Variants in NPTXR observed in about 807,000 individuals in gnomAD.
The protein encoded by NPTXR is neuronal pentraxin receptor.
NPTXR carries 12 observed loss-of-function variants against 32.2 expected under a neutral mutation model. The observed-to-expected ratio is 0.37, with a 90% CI of 0.24 to 0.60. The LOEUF (loss-of-function observed/expected upper bound fraction) is 0.60. Ranked by LOEUF, NPTXR falls within the 20% of genes least tolerant of loss-of-function variation. The pLI, the probability that NPTXR is intolerant of heterozygous loss-of-function variation, is 0.66. For synonymous variants in NPTXR, 323 were observed against 315.8 expected (o/e 1.02, Z -0.24); for missense variants, 612 against 682.9 (o/e 0.90, Z 1.16).
intron 1 of NPTXR, among the ~76,000 whole-genome samples, chr22:38,830,863 G>C (rs565823098): frequency 6.6e-6 from 1 of 152,074 alleles, no homozygotes. Flanking sequence ...GGAGAGGGGG[G>C]ACTCTGGCCA....
At position 38,833,615 on chromosome 22, in the gene NPTXR, A is replaced by C. The variant is rs1162420679; in HGVS notation, c.625-5103T>G. Among the ~76,000 whole-genome samples, 3 of 151,944 alleles carry C rather than the reference A, an allele frequency of 2.0e-5. No individual in the cohort carries two copies. In the East Asian group the frequency reaches 5.8e-4, roughly 29 times the overall value. On this transcript the variant is annotated intron_variant, in intron 1 of 4. Coordinates refer to ENST00000333039, the MANE Select transcript of NPTXR (RefSeq NM_014293.4). The stretch of plus-strand genomic sequence containing the variant: ...CGCTTAGTGCGCGGTAGGCATAGGA[A>C]GCATCACAGGCGTGTCTACTATTAA...
intron 2 of NPTXR, among the ~76,000 whole-genome samples, chr22:38,827,759 C>G (rs1162837732): frequency 1.3e-5 from 2 of 152,222 alleles, no homozygotes; most frequent in Non-Finnish European, 2.9e-5. Context: ...GGTCACAGAG[C>G]AAGCCAGAGA....
intron 1 of NPTXR, among the ~76,000 whole-genome samples, chr22:38,842,709 G>A (rs1328545257): frequency 6.6e-6 from 1 of 152,164 alleles, no homozygotes. Context: ...GTAGGGAGGT[G>A]GTGAGGGGCA....
chr22:38,826,429 C>G (rs1457108243), intron 3 of NPTXR, 71 bp downstream of exon 3: 1 of 1,513,074 alleles, frequency 6.6e-7, no homozygotes, highest in Non-Finnish European at 8.9e-7. Context: ...AATGAAAGAG[C>G]CCAGTGTGGA....
Position 38,823,247 on chromosome 22 carries a change from G to T in NPTXR, c.1114C>A (p.Leu372Met). Residue 372 changes from leucine to methionine, a missense_variant, in exon 4 of 5, where the codon CTG (leucine) becomes ATG (methionine). By Grantham distance (15) the Leu-to-Met change is conservative (BLOSUM62 2). Coordinates refer to ENST00000333039, the MANE Select transcript of NPTXR (RefSeq NM_014293.4). ...TGCCAGCCATTGTCCTTCAGGCTCA[G>T]GGGCAGCTGGGCCACCTGGACACAG... The T allele has an allele frequency of 6.2e-7, 1 of 1,612,008 alleles. No homozygotes were observed. The highest frequency in any genetic ancestry group is 8.5e-7 in the Non-Finnish European group (1 of 1,180,006).
chr22:38,826,522 A>G lies in NPTXR; in HGVS notation c.1076T>C (p.Met359Thr). Residue 359 changes from methionine (M) to threonine (T), a missense_variant, in exon 3 of 5, where the codon ATG becomes ACG. Coordinates refer to ENST00000333039, the MANE Select transcript of NPTXR (RefSeq NM_014293.4). ...TACCTTGTCGTTGATCAGCAGCTCCATGGGCTCATGGCCCGCCTCTAGCAG... is the reference window on the plus strand; with the variant it reads ...TACCTTGTCGTTGATCAGCAGCTCCGTGGGCTCATGGCCCGCCTCTAGCAG... The G allele has an allele frequency of 6.2e-7, 1 of 1,611,568 alleles. No individual in the cohort carries two copies. Among genetic ancestry groups the G allele is most frequent in the South Asian group, 1.1e-5 (1 of 90,920 alleles).
chr22:38,826,476 G>T, intron 3 of NPTXR, 24 bp downstream of exon 3: 2 of 1,582,846 alleles, frequency 1.3e-6, no homozygotes, highest in East Asian at 2.2e-5. Context: ...CCCCCAGCCA[G>T]CCCTCCCTGC....
In NPTXR at chr22:38,843,498, C is replaced by A; in HGVS notation, c.361G>T (p.Glu121Ter). The A allele has an allele frequency of 3.1e-6, 4 of 1,287,444 alleles. No individual in the cohort carries two copies. Among genetic ancestry groups the A allele is most frequent in the South Asian group, 2.4e-5 (1 of 41,780 alleles). 79.8% of individuals were successfully genotyped at this position (1,287,444 alleles called of 1,614,324 possible). A position where few individuals can be genotyped will look rare whatever the true frequency, so the allele number is the denominator to read the frequency against. Reference sequence around the variant, plus strand: ...GTGCTCTGCAGCAGCAGCAGCTCTTCGCGCTCGCCCGGCGCAGCGCCCGCC... The same window carrying A: ...GTGCTCTGCAGCAGCAGCAGCTCTTAGCGCTCGCCCGGCGCAGCGCCCGCC... Residue 121 changes from glutamate to a stop codon, truncating the protein, a stop_gained, in exon 1 of 5, where the codon GAA (glutamate) becomes TAA (stop). Transcript: ENST00000333039. LOFTEE classifies it high-confidence loss of function. This position sits in a 1 kb window ranked among gnomAD's most constrained non-coding sequence, Gnocchi z 5.3.
chr22:38,832,489 T>C (rs5757302), intron 1 of NPTXR, among the ~76,000 whole-genome samples: 102,815 of 152,120 alleles, frequency 0.68, 35,984 homozygotes, highest in East Asian at 0.9. Flanking sequence ...GTTCTAGGCC[T>C]GGCTCAGCCA....
rs1337018769 is a variant in NPTXR at position 38,843,557 on chromosome 22, G to C, written c.302C>G (p.Ala101Gly). Residue 101 changes from alanine to glycine, a missense_variant, in exon 1 of 5, where the codon GCT becomes GGT. Physicochemically the swap from Ala to Gly is moderately conservative, Grantham distance 60. Transcript: ENST00000333039. This position sits in a 1 kb window ranked among gnomAD's most constrained non-coding sequence, Gnocchi z 5.3. Reference sequence around the variant, plus strand: ...CTGCTGGGCCCCCGACGGGCAGGCAGCAGCCAGCGGCGTGCACAGGAAGCG... The same window carrying C: ...CTGCTGGGCCCCCGACGGGCAGGCACCAGCCAGCGGCGTGCACAGGAAGCG... 8 of 1,234,322 alleles carry C rather than the reference G, an allele frequency of 6.5e-6. No homozygotes were observed. The highest frequency in any genetic ancestry group is 8.1e-6 in the Non-Finnish European group (8 of 989,792). The allele number at this position is 1,234,322 out of a possible 1,614,324, so 76.5% of individuals were successfully genotyped here.
Position 38,843,314 on chromosome 22 carries a change from C to T in NPTXR, c.545G>A (p.Gly182Glu), listed in dbSNP as rs1374082946. The change falls in exon 1 of 5, where the codon GGG (glycine) becomes GAG (glutamate). Residue 182 changes from glycine (G) to glutamate (E), a missense_variant. By Grantham distance (98) the Gly-to-Glu change is moderately conservative. Coordinates refer to ENST00000333039, the MANE Select transcript of NPTXR (RefSeq NM_014293.4). This position sits in a 1 kb window ranked among gnomAD's most constrained non-coding sequence, Gnocchi z 5.3. ...AATGAGCGCAGGCGAGTCCCAGGGCCCGTCGGCCATGGTGTCGCGGCGGGG... is the reference window on the plus strand; with the variant it reads ...AATGAGCGCAGGCGAGTCCCAGGGCTCGTCGGCCATGGTGTCGCGGCGGGG... 4.9e-6 allele frequency: 7 copies of T among 1,428,298 alleles called. No homozygotes were observed. The Admixed American group carries it at 2.1e-4, about 43-fold the overall frequency. 88.5% of individuals were successfully genotyped at this position (1,428,298 alleles called of 1,614,324 possible). A position where few individuals can be genotyped will look rare whatever the true frequency, so the allele number is the denominator to read the frequency against.
intron 1 of NPTXR, among the ~76,000 whole-genome samples, chr22:38,836,166 G>A (rs933957262): frequency 4.6e-5 from 7 of 152,142 alleles, no homozygotes; most frequent in African/African-American, 1.7e-4. Context: ...GTTTACACGC[G>A]GGCGGGCTTG....
intron 1 of NPTXR, among the ~76,000 whole-genome samples, chr22:38,837,080 C>T (rs1251218133): frequency 6.6e-6 from 1 of 152,212 alleles, no homozygotes; most frequent in Non-Finnish European, 1.5e-5. Context: ...TCCCAAAGTG[C>T]TGGGATTACA....
Position 38,822,750 on chromosome 22 carries a change from TGTCAGGGCGTG to T in NPTXR, c.1351_1361del (p.His451ThrfsTer120), listed in dbSNP as rs2093100044. The T allele has an allele frequency of 6.2e-7, 1 of 1,614,024 alleles. No homozygotes were observed. On this transcript the variant is annotated frameshift_variant, in exon 5 of 5. Transcript: ENST00000333039. LOFTEE classifies it low-confidence loss of function (END_TRUNC). ...TGGCAATGCCCAGGACCTGGGCTGG[TGTCAGGGCGTG>T]GTCCCACAGGTTAAACTGGGCAATG...
intron 1 of NPTXR, among the ~76,000 whole-genome samples, chr22:38,832,290 C>A (rs1014570613): frequency 6.6e-6 from 1 of 152,194 alleles, no homozygotes. Context: ...CAGGCTGTGC[C>A]GCGTGGGCTC....
intron 1 of NPTXR, among the ~76,000 whole-genome samples, chr22:38,835,681 G>T (rs2093122905): frequency 6.6e-6 from 1 of 152,074 alleles, no homozygotes; most frequent in African/African-American, 2.4e-5. Context: ...CACCTTCCGG[G>T]CCCCCAAAAT....
intron 2 of NPTXR, among the ~76,000 whole-genome samples, chr22:38,827,499 G>A (rs2093109160): frequency 6.6e-6 from 1 of 152,112 alleles, no homozygotes; most frequent in Admixed American, 6.5e-5. Flanking sequence ...CTCCCAAAGT[G>A]TCGGGATAAC....
At position 38,820,068 on chromosome 22, in the gene NPTXR, T is replaced by G. The variant is rs1192489324; in HGVS notation, c.*2541A>C. On this transcript the variant is annotated 3_prime_UTR_variant, in exon 5 of 5. Transcript: ENST00000333039. ...TCCCAAGTCCTCCACAAGAGCTACCTTCTTCAAAACAATAACAGAAACACA... is the reference window on the plus strand; with the variant it reads ...TCCCAAGTCCTCCACAAGAGCTACCGTCTTCAAAACAATAACAGAAACACA... The G allele has an allele frequency of 1.3e-5, 2 of 152,640 alleles. No individual in the cohort carries two copies. The highest frequency in any genetic ancestry group is 1.9e-4 in the East Asian group (1 of 5,200). The allele number at this position is 152,640 out of a possible 1,614,324, so 9.5% of individuals were successfully genotyped here.
chr22:38,833,989 T>C (rs2093120357), intron 1 of NPTXR, among the ~76,000 whole-genome samples: 1 of 152,188 alleles, frequency 6.6e-6, no homozygotes, highest in Admixed American at 6.5e-5. Flanking sequence ...TTATGCCTTT[T>C]TGCCCATCTG....
Sources: gnomAD v4.1 joint callset for allele counts (sites outside exome capture counted in the v4.1 genomes callset) on GRCh38, gnomAD v4.1.1 for gene constraint, Gnocchi (gnomAD v3.1) non-coding constraint, MANE v1.5 for transcripts, NCBI Gene and HGNC (gene_info 2026-07-23, HGNC 2026-07-21) for gene names.